The following NEDD1 variants were observed in gnomAD, a reference collection of about 807,000 sequenced individuals.
NEDD1 encodes NEDD1 gamma-tubulin ring complex targeting factor, also known as protein NEDD1.
NEDD1 carries 33 observed loss-of-function variants against 74.0 expected under a neutral mutation model. The observed-to-expected ratio is 0.45, with a 90% confidence interval of 0.34 to 0.60. NEDD1 has a LOEUF of 0.60. NEDD1 is among the 20% of genes least tolerant of loss of function. The pLI is 0.01. For synonymous variants in NEDD1, 250 were observed against 264.4 expected (o/e 0.95, Z 0.53); for missense variants, 746 against 776.5 (o/e 0.96, Z 0.47).
At chr12:96,934,724 G>A (rs1210207096) in intron 6 of NEDD1, among the ~76,000 whole-genome samples, 1 of 151,988 alleles carries the variant, frequency 6.6e-6, no homozygotes, top group East Asian at 1.9e-4. Context: ...TTTTAATAAA[G>A]ATGGGGTTTC....
chr12:96,930,211 ACTCTCTCTCTCT>A (rs143562580), intron 6 of NEDD1, among the ~76,000 whole-genome samples: 9 of 89,286 alleles, frequency 1.0e-4, no homozygotes, highest in African/African-American at 4.7e-4. Flanking sequence ...ACACACACAC[ACTCTCTCTCTCT>A]CTCTCTCTCT....
At position 96,952,471 on chromosome 12, in the gene NEDD1, T is replaced by C. The variant is rs921242747; in HGVS notation, c.*418T>C. ...GAGTTTGATATGCCTTCTATTTTTATGGAGAAAGTAATTTTAAAATGGCAA... is the reference window on the plus strand; with the variant it reads ...GAGTTTGATATGCCTTCTATTTTTACGGAGAAAGTAATTTTAAAATGGCAA... On this transcript the variant is annotated 3_prime_UTR_variant, in exon 16 of 16. Transcript: ENST00000266742. 2.0e-5 allele frequency: 3 copies of C among 152,572 alleles called. No individual in the cohort carries two copies. The highest frequency in any genetic ancestry group is 6.6e-5 in the Admixed American group (1 of 15,224). 9.5% of individuals were successfully genotyped at this position (152,572 alleles called of 1,614,324 possible).
Position 96,909,778 on chromosome 12 carries a change from T to C in NEDD1, c.19T>C (p.Phe7Leu). ...CGCAGTCATGCAGGAAAACCTCAGA[T>C]TTGCTTCATCAGGAGATGATATTAA... MQENLRFASSGDDIKIW... is the reference protein window; with the variant it reads MQENLRLASSGDDIKIW... Residue 7 changes from phenylalanine (F) to leucine (L), a missense_variant, in exon 3 of 16, where the codon TTT becomes CTT. Transcript: ENST00000266742. The C allele has an allele frequency of 1.9e-6, 3 of 1,613,256 alleles. No individual in the cohort carries two copies. Among genetic ancestry groups the C allele is most frequent in the Non-Finnish European group, 2.5e-6 (3 of 1,179,548 alleles).
At chr12:96,930,574 A>C (rs940018333) in intron 6 of NEDD1, among the ~76,000 whole-genome samples, 1 of 152,124 alleles carries the variant, frequency 6.6e-6, no homozygotes, top group East Asian at 1.9e-4. Flanking sequence ...TATATCTAGG[A>C]GTCCACTGCC....
At chr12:96,908,000 C>T (rs983803863) in intron 2 of NEDD1, 144 bp downstream of exon 2, 3 of 466,572 alleles carry the variant, frequency 6.4e-6, no homozygotes, top group Non-Finnish European at 9.4e-6. Context: ...GATCTACCCA[C>T]TACACCCCGC....
Position 96,932,952 on chromosome 12 carries a change from A to G in NEDD1, c.490-2024A>G, listed in dbSNP as rs537089899. Among the ~76,000 whole-genome samples, 15 of 151,464 alleles carry G rather than the reference A, an allele frequency of 9.9e-5. 1 individual carries two copies. In the East Asian group the frequency reaches 1.9e-3, roughly 20 times the overall value. Reference sequence around the variant, plus strand: ...TCATACAGAGGTTTGCTGAGCGTCCACTGAACTTAGGTTTATCTGAAGGGA... The same window carrying G: ...TCATACAGAGGTTTGCTGAGCGTCCGCTGAACTTAGGTTTATCTGAAGGGA... On this transcript the variant is annotated intron_variant, in intron 6 of 15. Coordinates refer to ENST00000266742, the MANE Select transcript of NEDD1 (RefSeq NM_152905.4).
chr12:96,923,412 A>G (rs1302376132), intron 6 of NEDD1, among the ~76,000 whole-genome samples: 3 of 152,190 alleles, frequency 2.0e-5, no homozygotes, highest in South Asian at 4.1e-4. Flanking sequence ...GCATAGGCAT[A>G]CAGTTTTACT....
intron 9 of NEDD1, among the ~76,000 whole-genome samples, chr12:96,938,544 G>A (rs75336181): frequency 0.028 from 4,228 of 152,050 alleles, 119 homozygotes; most frequent in African/African-American, 0.074. Flanking sequence ...AACAAAGACA[G>A]CATTAATTTG....
chr12:96,944,439 A>G (rs1226492113), intron 12 of NEDD1, among the ~76,000 whole-genome samples, 200 bp from the exon 13 acceptor site: 4 of 151,100 alleles, frequency 2.6e-5, no homozygotes, highest in Non-Finnish European at 5.9e-5. Flanking sequence ...GTTATTGTTG[A>G]GATTGTTTTT....
chr12:96,944,543 C>T (rs373850588), intron 12 of NEDD1, 96 bp from the exon 13 acceptor site: 1 of 626,880 alleles, frequency 1.6e-6, no homozygotes. Context: ...TATTAACCTA[C>T]ATACTGGGAC....
intron 6 of NEDD1, among the ~76,000 whole-genome samples, chr12:96,930,205 ACACACACTCTCTCTCTCTCT>A (rs1876276762): frequency 1.3e-5 from 1 of 76,468 alleles, no homozygotes; most frequent in African/African-American, 5.3e-5. Context: ...ACACACACAC[ACACACACTCTCTCTCTCTCT>A]CTCTCTCTCT....
Position 96,940,391 on chromosome 12 carries a change from A to G in NEDD1, c.1118-18A>G, listed in dbSNP as rs778958203. On this transcript the variant is annotated intron_variant, in intron 9 of 15. Coordinates refer to ENST00000266742, the MANE Select transcript of NEDD1 (RefSeq NM_152905.4). ...TTTAGATGTAATAACATTGATTTTT[A>G]TATCTAATTCCTATAAGGTTTGCCT... The G allele has an allele frequency of 6.0e-6, 9 of 1,488,010 alleles. No individual in the cohort carries two copies. In the African/African-American group the frequency reaches 8.4e-5, roughly 14 times the overall value. The allele number at this position is 1,488,010 out of a possible 1,614,324, so 92.2% of individuals were successfully genotyped here. A position where few individuals can be genotyped will look rare whatever the true frequency, so the allele number is the denominator to read the frequency against.
At chr12:96,928,969 C>T (rs7955447) in intron 6 of NEDD1, among the ~76,000 whole-genome samples, 38,121 of 151,654 alleles carry the variant, frequency 0.25, 4,984 homozygotes, top group South Asian at 0.42. Flanking sequence ...GGATTACAGG[C>T]GTGAGCCACC....
intron 6 of NEDD1, 49 bp downstream of exon 6, chr12:96,920,174 T>G: frequency 8.2e-7 from 1 of 1,218,864 alleles, no homozygotes; most frequent in Non-Finnish European, 1.1e-6. Context: ...AGATTTTGAA[T>G]TGTATCTTAC....
chr12:96,934,970 T>G lies in NEDD1; in HGVS notation c.490-6T>G. 6.5e-7 allele frequency: 1 copy of G among 1,548,096 alleles called. No individual in the cohort carries two copies. Among genetic ancestry groups the G allele is most frequent in the South Asian group, 1.1e-5 (1 of 89,418 alleles). On this transcript the variant is annotated splice_region_variant and splice_polypyrimidine_tract_variant and intron_variant, in intron 6 of 15. Transcript: ENST00000266742. ...TTACATAAAATTTATTCTTTCATTT[T>G]TATAGTCTGTTCGGCACTTGAAGTA...
Position 96,931,449 on chromosome 12 carries a change from T to A in NEDD1, c.490-3527T>A, listed in dbSNP as rs116042821. ...TAAGAGCAGTTGCAAATTAGTATTT[T>A]AAAAATCTTCATAGCCCAATAGAAA... On this transcript the variant is annotated intron_variant, in intron 6 of 15. Coordinates refer to ENST00000266742, the MANE Select transcript of NEDD1 (RefSeq NM_152905.4). Among the ~76,000 whole-genome samples, 1,096 of 152,254 alleles carry A rather than the reference T, an allele frequency of 7.2e-3. 12 individuals are homozygous for A. The highest frequency in any genetic ancestry group is 0.024 in the African/African-American group (1,008 of 41,556).
intron 14 of NEDD1, 83 bp downstream of exon 14, chr12:96,945,932 G>A: frequency 1.2e-6 from 1 of 824,768 alleles, no homozygotes; most frequent in Non-Finnish European, 1.9e-6. Flanking sequence ...AGATAATGTT[G>A]TTGGTTACTA....
chr12:96,951,829 A>G (rs1878731836), intron 15 of NEDD1, 120 bp from the exon 16 acceptor site: 1 of 620,296 alleles, frequency 1.6e-6, no homozygotes, highest in African/African-American at 1.9e-5. Context: ...AAGTACAAGA[A>G]ATATCATTCA....
intron 14 of NEDD1, 141 bp downstream of exon 14, chr12:96,945,990 T>C: frequency 1.8e-6 from 1 of 548,652 alleles, no homozygotes; most frequent in Non-Finnish European, 3.2e-6. Flanking sequence ...ATAATGAGTT[T>C]TGTTGATCTT....
Sources: allele counts gnomAD v4.1 joint callset (sites outside exome capture counted in the v4.1 genomes callset), GRCh38; gene constraint gnomAD v4.1.1; transcripts MANE v1.5; gene names NCBI Gene and HGNC (gene_info 2026-07-23, HGNC 2026-07-21).